DROSHA: variants seen among roughly 807,000 people sequenced by gnomAD.
DROSHA encodes drosha ribonuclease III.
DROSHA carries 56 observed loss-of-function variants against 181.9 expected under a neutral mutation model. The ratio of observed to expected loss-of-function variants is 0.31; its 90% CI spans 0.25 to 0.38. The LOEUF (loss-of-function observed/expected upper bound fraction) is 0.38, where lower values mean the gene tolerates loss of function less well. Among genes scored for constraint, DROSHA ranks in the 10% least tolerant of loss-of-function variants. The probability of loss-of-function intolerance (pLI) is 1.00; values close to 1 mark genes in which losing one functional copy is unlikely to be tolerated. For synonymous variants in DROSHA, 524 were observed against 591.2 expected (o/e 0.89, Z 1.65); for missense variants, 1,218 against 1,743.5 (o/e 0.70, Z 5.37).
Position 31,401,102 on chromosome 5 carries a change from G to A in DROSHA, c.*330C>T. 1 of 291,856 alleles carries A rather than the reference G, an allele frequency of 3.4e-6. No individual in the cohort carries two copies. Among genetic ancestry groups the A allele is most frequent in the Non-Finnish European group, 6.7e-6 (1 of 149,602 alleles). The allele number at this position is 291,856 out of a possible 1,614,324, so 18.1% of individuals were successfully genotyped here. ...TTTTACTTGTCAATTGAAAGTCTAG[G>A]GTCACAATCTGGGACACAGATGGAA... On this transcript the variant is annotated 3_prime_UTR_variant, in exon 36 of 36. Transcript: ENST00000344624.
chr5:31,490,134 C>T (rs1036517084), intron 13 of DROSHA, among the ~76,000 whole-genome samples: 2 of 151,786 alleles, frequency 1.3e-5, no homozygotes, highest in African/African-American at 4.8e-5. Flanking sequence ...CCTCAGCCTC[C>T]CAAAGTGCTG....
intron 22 of DROSHA, 119 bp downstream of exon 22, chr5:31,449,162 A>G (rs774362819): frequency 4.6e-6 from 6 of 1,307,712 alleles, no homozygotes; most frequent in Middle Eastern, 3.9e-4. Context: ...GTCAGTAAGC[A>G]CTAGAATATG....
intron 33 of DROSHA, among the ~76,000 whole-genome samples, chr5:31,407,293 CCTGT>C (rs1274699803): frequency 6.6e-6 from 1 of 152,108 alleles, no homozygotes; most frequent in Non-Finnish European, 1.5e-5. Context: ...GTTAAGAGCT[CCTGT>C]CTATTGGTTT....
intron 20 of DROSHA, among the ~76,000 whole-genome samples, chr5:31,459,723 T>C (rs1245322524): frequency 1.3e-5 from 2 of 152,166 alleles, no homozygotes; most frequent in African/African-American, 2.4e-5. Context: ...GAGAATCAGA[T>C]AGTTTGATAA....
In DROSHA at chr5:31,526,570, T is replaced by C; in HGVS notation, c.363A>G (p.Pro121=). ...GGTTATTAGGACAAGGCATTGGTGGTGGCATGGGAGGAAAACAAGGAGGAA... is the reference window on the plus strand; with the variant it reads ...GGTTATTAGGACAAGGCATTGGTGGCGGCATGGGAGGAAAACAAGGAGGAA... ...FPVPPCFPPM[P]PPMPCPNNPP... The change falls in exon 5 of 36, where the codon CCA becomes CCG. Residue 121 remains proline (P), a synonymous_variant. Transcript: ENST00000344624. The C allele has an allele frequency of 6.6e-7, 1 of 1,511,090 alleles. No individual in the cohort carries two copies. Among genetic ancestry groups the C allele is most frequent in the East Asian group, 2.3e-5 (1 of 43,420 alleles). The allele number at this position is 1,511,090 out of a possible 1,614,324, so 93.6% of individuals were successfully genotyped here.
At chr5:31,511,698 T>A (rs1318215653) in intron 8 of DROSHA, among the ~76,000 whole-genome samples, 1 of 143,752 alleles carries the variant, frequency 7.0e-6, no homozygotes, top group East Asian at 2.0e-4. Flanking sequence ...AGACCTCATC[T>A]AAAAAAAAAA....
In DROSHA at chr5:31,437,282, G is replaced by A; in HGVS notation, c.2899C>T (p.Arg967Trp). The A allele has an allele frequency of 6.3e-7, 1 of 1,578,894 alleles. No homozygotes were observed. Among genetic ancestry groups the A allele is most frequent in the Non-Finnish European group, 8.6e-7 (1 of 1,161,328 alleles). The change falls in exon 24 of 36, where the codon CGG becomes TGG. Residue 967 changes from arginine to tryptophan, a missense_variant. Physicochemically the swap from Arg to Trp is moderately radical, Grantham distance 101. Around this residue, in one of 8 missense-constraint regions of DROSHA, gnomAD observed 460 missense variants for 774.2 expected, o/e 0.59. Coordinates refer to ENST00000344624, the MANE Select transcript of DROSHA (RefSeq NM_001382508.1). ...ACAGCATCACCCAGGAATTCCAACC[G>A]TTCATTGTGGTTAATCCTACAATAG... ...PTPSRINHNE[R>W]LEFLGDAVVE...
chr5:31,491,627 G>C lies in DROSHA; in HGVS notation c.1842+1580C>G, dbSNP rs946132005. 2.6e-5 allele frequency among the ~76,000 whole-genome samples: 4 copies of C among 151,922 alleles called. No individual in the cohort carries two copies. In the South Asian group the frequency reaches 6.2e-4, roughly 24 times the overall value. ...AAAAGAGACAGGCAGTAGATGGTGG[G>C]GGGTGGAGAGTAATCAACTCTAAGG... On this transcript the variant is annotated intron_variant, in intron 13 of 35. Transcript: ENST00000344624.
At chr5:31,462,940 CTT>C (rs1345800864) in intron 20 of DROSHA, among the ~76,000 whole-genome samples, 1 of 152,116 alleles carries the variant, frequency 6.6e-6, no homozygotes, top group Non-Finnish European at 1.5e-5. Context: ...TTTATGATCT[CTT>C]AGACAATCAA....
chr5:31,413,520 A>C (rs1357136020), intron 30 of DROSHA, among the ~76,000 whole-genome samples: 1 of 152,212 alleles, frequency 6.6e-6, no homozygotes, highest in Non-Finnish European at 1.5e-5. Context: ...GGTATCAGCA[A>C]GAAAGAAAAC....
At chr5:31,435,574 G>A (rs1469183421) in intron 25 of DROSHA, among the ~76,000 whole-genome samples, 191 bp downstream of exon 25, 1 of 152,060 alleles carries the variant, frequency 6.6e-6, no homozygotes, top group Non-Finnish European at 1.5e-5. Flanking sequence ...TTAGCTGCTG[G>A]TGAAACTCAC....
chr5:31,446,340 G>T (rs1013698235), intron 23 of DROSHA, among the ~76,000 whole-genome samples: 1 of 151,400 alleles, frequency 6.6e-6, no homozygotes, highest in Non-Finnish European at 1.5e-5. Flanking sequence ...CCAGCTACTC[G>T]GTAGGCTGAG....
At chr5:31,451,929 C>A (rs917763490) in intron 20 of DROSHA, among the ~76,000 whole-genome samples, 1 of 152,118 alleles carries the variant, frequency 6.6e-6, no homozygotes, top group Non-Finnish European at 1.5e-5. Flanking sequence ...GTTTCCTCAC[C>A]CGCACAATGA....
At chr5:31,469,525 C>T (rs761519485) in intron 17 of DROSHA, among the ~76,000 whole-genome samples, 2 of 152,192 alleles carry the variant, frequency 1.3e-5, no homozygotes, top group African/African-American at 2.4e-5. Flanking sequence ...TGCCCATCAA[C>T]AGTAGCAACG....
chr5:31,461,654 T>A (rs1343575452), intron 20 of DROSHA, among the ~76,000 whole-genome samples: 1 of 152,094 alleles, frequency 6.6e-6, no homozygotes, highest in Non-Finnish European at 1.5e-5. Flanking sequence ...TACATAAACA[T>A]AATGAAAATA....
intron 27 of DROSHA, among the ~76,000 whole-genome samples, chr5:31,429,146 C>T (rs1199956822): frequency 6.6e-6 from 1 of 152,050 alleles, no homozygotes; most frequent in African/African-American, 2.4e-5. Flanking sequence ...GGGTAGATAC[C>T]CAATGATTCT....
chr5:31,519,928 C>T (rs983469623), intron 6 of DROSHA, among the ~76,000 whole-genome samples: 13 of 152,074 alleles, frequency 8.5e-5, no homozygotes, highest in Admixed American at 3.3e-4. Flanking sequence ...TATCCTAATT[C>T]GTGTTTTTAT....
chr5:31,531,872 T>G (rs1397635130), intron 1 of DROSHA, 118 bp downstream of exon 1: 1 of 156,998 alleles, frequency 6.4e-6, no homozygotes, highest in Non-Finnish European at 1.4e-5. Flanking sequence ...AGATCTGAAG[T>G]GGGGCTGCCC....
Position 31,526,696 on chromosome 5 carries a change from T to C in DROSHA, c.237A>G (p.Val79=), listed in dbSNP as rs1485056700. ...ACGGAGGCATGGGTGGGGGGAAGGG[T>C]ACAAAGTCTGGTCGTGGAGGGAGAA... ...PNFLPPRPDF[V]PFPPPMPPSA... is the part of the protein sequence containing the mutation. Residue 79 remains valine (V), a synonymous_variant, in exon 5 of 36, where the codon GTA becomes GTG. Coordinates refer to ENST00000344624, the MANE Select transcript of DROSHA (RefSeq NM_001382508.1). 6.5e-7 allele frequency: 1 copy of C among 1,536,616 alleles called. No individual in the cohort carries two copies. The highest frequency in any genetic ancestry group is 8.7e-7 in the Non-Finnish European group (1 of 1,145,872).
Sources: gnomAD v4.1 joint callset for allele counts (sites outside exome capture counted in the v4.1 genomes callset) on GRCh38, gnomAD v4.1.1 for gene constraint, gnomAD v4.1.1 regional missense constraint, MANE v1.5 for transcripts, NCBI Gene and HGNC (gene_info 2026-07-23, HGNC 2026-07-21) for gene names.